Variants in DAB1 observed in about 807,000 individuals in gnomAD.
DAB1 encodes the protein DAB adaptor protein 1, also known as disabled homolog 1.
DAB1 carries 15 observed loss-of-function variants against 64.6 expected under a neutral mutation model. The observed-to-expected ratio is 0.23, with a 90% CI of 0.16 to 0.36. The LOEUF (loss-of-function observed/expected upper bound fraction) is 0.36. Among genes scored for constraint, DAB1 ranks in the 10% least tolerant of loss-of-function variants. The pLI is 1.00. For synonymous variants in DAB1, 235 were observed against 251.9 expected, an observed-to-expected ratio of 0.93 and a Z score of 0.64; for missense variants, 596 against 706.7, an observed-to-expected ratio of 0.84 and a Z score of 1.78.
chr1:57,382,048 C>T (rs1034934969), intron 1 of DAB1, among the ~76,000 whole-genome samples: 5 of 152,134 alleles, frequency 3.3e-5, no homozygotes, highest in Non-Finnish European at 7.3e-5. Flanking sequence ...GGGGTTGAGG[C>T]TGCTAATTAA....
intron 7 of DAB1, among the ~76,000 whole-genome samples, chr1:57,445,142 T>A (rs1686092411): frequency 6.6e-6 from 1 of 152,086 alleles, no homozygotes; most frequent in Non-Finnish European, 1.5e-5. Context: ...TAGAGTTTTA[T>A]TAACTTCTTA....
At chr1:58,301,984 C>T (rs528113647) in intron 4 of DAB1, among the ~76,000 whole-genome samples, 7 of 152,068 alleles carry the variant, frequency 4.6e-5, no homozygotes, top group Non-Finnish European at 1.0e-4. Context: ...TTCTCACCAC[C>T]ACCTTGGGAG....
At chr1:57,013,544 C>T (rs889139311) in intron 12 of DAB1, among the ~76,000 whole-genome samples, 6 of 152,148 alleles carry the variant, frequency 3.9e-5, no homozygotes, top group Admixed American at 2.6e-4. Flanking sequence ...TGTTTATACA[C>T]GTTAAGGGCA....
chr1:58,528,066 G>A (rs972687484), intron 1 of DAB1, among the ~76,000 whole-genome samples: 2 of 152,246 alleles, frequency 1.3e-5, no homozygotes, highest in African/African-American at 4.8e-5. Context: ...CCACATGTCT[G>A]TGATGGCCTG....
At chr1:57,363,216 G>A (rs1679695182) in intron 1 of DAB1, among the ~76,000 whole-genome samples, 1 of 152,154 alleles carries the variant, frequency 6.6e-6, no homozygotes, top group Non-Finnish European at 1.5e-5. Flanking sequence ...TAAGTCGGTG[G>A]TTCTTAAACT....
intron 2 of DAB1, among the ~76,000 whole-genome samples, chr1:57,277,524 G>T (rs370341951): frequency 2.0e-5 from 3 of 152,170 alleles, no homozygotes; most frequent in African/African-American, 7.2e-5. Flanking sequence ...ACCTTAGCAA[G>T]TTGCACGATT....
chr1:58,474,494 G>T (rs1252543909), intron 3 of DAB1, among the ~76,000 whole-genome samples: 1 of 152,138 alleles, frequency 6.6e-6, no homozygotes, highest in Non-Finnish European at 1.5e-5. Context: ...AAAGCTGGTG[G>T]CCCATGTGAC....
In DAB1 at chr1:58,072,084, G is replaced by GT. The variant is rs1210701374; in HGVS notation, n.387+78426dup. Among the ~76,000 whole-genome samples the GT allele has an allele frequency of 1.7e-4, 15 of 89,832 alleles. 2 individuals carry two copies. The Middle Eastern group carries it at 0.021, about 128-fold the overall frequency. The allele number at this position is 89,832 out of a possible 152,430, so 58.9% of individuals were successfully genotyped here. A position where few individuals can be genotyped will look rare whatever the true frequency, so the allele number is the denominator to read the frequency against. Reference sequence around the variant, plus strand: ...GGGGATAGCAAACATTATTGGTGGGGTGGGGGGGGGTGGGTAGTAGGGAAG... The same window carrying GT: ...GGGGATAGCAAACATTATTGGTGGGGTTGGGGGGGGGTGGGTAGTAGGGAAG... On this transcript the variant is annotated intron_variant and non_coding_transcript_variant, in intron 5 of 20. Transcript: ENST00000485760.
At chr1:57,241,517 C>A (rs1250218364) in intron 2 of DAB1, among the ~76,000 whole-genome samples, 1 of 152,180 alleles carries the variant, frequency 6.6e-6, no homozygotes, top group Non-Finnish European at 1.5e-5. Context: ...TTGCTATAGA[C>A]TCAATATCTG....
At chr1:57,010,839 T>C (rs1646244117) in intron 13 of DAB1, 49 bp from the exon 14 acceptor site, 1 of 1,380,490 alleles carries the variant, frequency 7.2e-7, no homozygotes, top group Non-Finnish European at 9.9e-7. Flanking sequence ...TTTCAAGCAT[T>C]GAAAATATAA....
At chr1:57,168,832 G>A (rs1362376796) in intron 2 of DAB1, among the ~76,000 whole-genome samples, 1 of 152,278 alleles carries the variant, frequency 6.6e-6, no homozygotes, top group Non-Finnish European at 1.5e-5. Flanking sequence ...AAGGCAAGAG[G>A]ATCATTTGAG....
At chr1:57,394,053 T>C (rs1220441293) in intron 1 of DAB1, among the ~76,000 whole-genome samples, 1 of 152,216 alleles carries the variant, frequency 6.6e-6, no homozygotes, top group African/African-American at 2.4e-5. Context: ...CAACGTAGCA[T>C]TATGCTGTAA....
intron 2 of DAB1, among the ~76,000 whole-genome samples, chr1:57,146,427 T>G (rs1362555940): frequency 6.6e-6 from 1 of 152,192 alleles, no homozygotes; most frequent in Admixed American, 6.5e-5. Flanking sequence ...ATCCTTAACT[T>G]CAACTCTTGA....
chr1:57,824,682 T>C (rs1652267371), downstream of DAB1, among the ~76,000 whole-genome samples: 1 of 152,188 alleles, frequency 6.6e-6, no homozygotes, highest in Non-Finnish European at 1.5e-5. Flanking sequence ...CACCATAGCG[T>C]AGCCTCTCAG....
intron 5 of DAB1, among the ~76,000 whole-genome samples, chr1:57,935,712 C>G (rs1645015072): frequency 1.3e-5 from 2 of 151,724 alleles, no homozygotes. Context: ...GAATCACCAT[C>G]AGGAAATAAA....
chr1:57,687,142 A>T (rs981631092), intron 6 of DAB1, among the ~76,000 whole-genome samples: 5 of 152,164 alleles, frequency 3.3e-5, no homozygotes, highest in African/African-American at 1.2e-4. Context: ...TATCTGTAAA[A>T]CCCTAAAAAC....
At chr1:57,606,169 G>A (rs911634378) in intron 7 of DAB1, 2 of 355,116 alleles carry the variant, frequency 5.6e-6, no homozygotes, top group Non-Finnish European at 5.3e-6. Flanking sequence ...TGCCACCTCC[G>A]GCTCCATGAG....
chr1:58,409,900 C>A (rs945758753), intron 3 of DAB1, among the ~76,000 whole-genome samples: 1 of 152,172 alleles, frequency 6.6e-6, no homozygotes, highest in African/African-American at 2.4e-5. Flanking sequence ...CAAACAATCC[C>A]GTACTGTGGA....
intron 7 of DAB1, among the ~76,000 whole-genome samples, chr1:57,495,505 C>A (rs1197448458): frequency 6.6e-6 from 1 of 152,114 alleles, no homozygotes; most frequent in African/African-American, 2.4e-5. Flanking sequence ...CAGCAATGTG[C>A]ACAACTCAGT....
Sources: allele counts gnomAD v4.1 joint callset (sites outside exome capture counted in the v4.1 genomes callset), GRCh38; gene constraint gnomAD v4.1.1; transcripts MANE v1.5; gene names NCBI Gene and HGNC (gene_info 2026-07-23, HGNC 2026-07-21).